Variants in DNAH11 observed in about 807,000 individuals in gnomAD.
DNAH11 encodes the protein axonemal beta dynein heavy chain 11.
In DNAH11, 442 loss-of-function variants were observed where a neutral mutation model predicts 526.0. That is an observed-to-expected ratio of 0.84 (90% CI 0.78 to 0.91). DNAH11 has a LOEUF of 0.91. Ranked by LOEUF, DNAH11 falls within the 40% of genes least tolerant of loss-of-function variation. The pLI is 0.00. For synonymous variants in DNAH11, 2,461 were observed against 1,935.9 expected (o/e 1.27, Z -7.12); for missense variants, 6,989 against 5,448.7 (o/e 1.28, Z -8.90).
At chr7:21,706,154 G>A (rs1174789578) in intron 39 of DNAH11, among the ~76,000 whole-genome samples, 2 of 152,016 alleles carry the variant, frequency 1.3e-5, no homozygotes, top group Non-Finnish European at 2.9e-5. Flanking sequence ...GCTGTGCTAG[G>A]TGCATTATGT....
chr7:21,681,038 C>T (rs533800429), intron 30 of DNAH11, among the ~76,000 whole-genome samples: 5 of 152,132 alleles, frequency 3.3e-5, no homozygotes, highest in Non-Finnish European at 7.3e-5. Flanking sequence ...TGTCATTACT[C>T]ACAGGTTCTC....
intron 34 of DNAH11, among the ~76,000 whole-genome samples, chr7:21,687,769 G>A (rs1208791017): frequency 6.6e-6 from 1 of 152,142 alleles, no homozygotes; most frequent in African/African-American, 2.4e-5. Context: ...CAACTTCTAG[G>A]ATTGGCCAGA....
At chr7:21,804,607 C>T (rs957527935) in intron 62 of DNAH11, among the ~76,000 whole-genome samples, 3 of 152,110 alleles carry the variant, frequency 2.0e-5, no homozygotes, top group East Asian at 1.9e-4. Context: ...TTTTGAATCA[C>T]CCTTGACTCT....
At chr7:21,544,486 A>G (rs775922365) in intron 1 of DNAH11, among the ~76,000 whole-genome samples, 14 of 152,344 alleles carry the variant, frequency 9.2e-5, no homozygotes, top group Non-Finnish European at 1.9e-4. Context: ...ACACAACTCT[A>G]GTATTACCTA....
intron 61 of DNAH11, among the ~76,000 whole-genome samples, chr7:21,792,767 G>C (rs1788530623): frequency 6.6e-6 from 1 of 151,588 alleles, no homozygotes; most frequent in Non-Finnish European, 1.5e-5. Flanking sequence ...TTTTTTATTT[G>C]GGTCTTCTCT....
At position 21,681,527 on chromosome 7, in the gene DNAH11, A is replaced by G. The variant is rs748084989; in HGVS notation, c.5329-19A>G. 3.1e-6 allele frequency: 5 copies of G among 1,609,694 alleles called. No individual in the cohort carries two copies. The highest frequency in any genetic ancestry group is 2.2e-5 in the South Asian group (2 of 90,452). On this transcript the variant is annotated intron_variant, in intron 30 of 81. Transcript: ENST00000409508. The stretch of plus-strand genomic sequence containing the variant: ...TATTTGTAACCCTTCTCTCCTTTTT[A>G]AAAAATGATTCCTTCTAGATTTCTC...
rs146009264 is a variant in DNAH11 at position 21,815,660 on chromosome 7, C to A, written c.10333-807C>A. 4.3e-4 allele frequency among the ~76,000 whole-genome samples: 65 copies of A among 152,268 alleles called. No homozygotes were observed. The East Asian group carries it at 0.012, about 28-fold the overall frequency. ...GGGGGCTAGCTAGGTTTTCATCCTG[C>A]ACATTTTGGTGTCTCTAGACAGTGT... On this transcript the variant is annotated intron_variant, in intron 63 of 81. Coordinates refer to ENST00000409508, the MANE Select transcript of DNAH11 (RefSeq NM_001277115.2).
intron 14 of DNAH11, among the ~76,000 whole-genome samples, chr7:21,592,891 AAGG>A (rs1205873889): frequency 6.6e-6 from 1 of 152,208 alleles, no homozygotes; most frequent in Non-Finnish European, 1.5e-5. Context: ...CAGAAAAAAA[AAGG>A]AGGTTTGGTT....
intron 61 of DNAH11, among the ~76,000 whole-genome samples, chr7:21,797,905 A>G (rs1170630661): frequency 6.6e-6 from 1 of 152,244 alleles, no homozygotes; most frequent in Admixed American, 6.5e-5. Context: ...CTAACTTACC[A>G]TGTGCTTGCT....
At chr7:21,847,566 T>G (rs1178220408) in intron 66 of DNAH11, among the ~76,000 whole-genome samples, 1 of 152,222 alleles carries the variant, frequency 6.6e-6, no homozygotes, top group Non-Finnish European at 1.5e-5. Context: ...TTCTATTCTT[T>G]TAAACCTTTT....
rs79827845 is a variant in DNAH11 at position 21,893,624 on chromosome 7, A to G, written c.12750+957A>G. On this transcript the variant is annotated intron_variant, in intron 77 of 81. Transcript: ENST00000409508. ...TTCCTCCATCTTTTCTCCTTTCTAG[A>G]TATTGACTGGTTTTTCCAGCTCGGT... Among the ~76,000 whole-genome samples the G allele has an allele frequency of 5.8e-3, 880 of 152,358 alleles. 10 individuals carry two copies. The highest frequency in any genetic ancestry group is 0.02 in the African/African-American group (839 of 41,584).
At chr7:21,852,781 G>A (rs1373269646) in intron 67 of DNAH11, 150 bp downstream of exon 67, 1 of 753,998 alleles carries the variant, frequency 1.3e-6, no homozygotes, top group Non-Finnish European at 1.9e-6. Context: ...GGACTGTGTG[G>A]GATTGTAAAT....
intron 55 of DNAH11, 67 bp downstream of exon 55, chr7:21,765,656 A>ACACACACACG (rs1188836358): frequency 4.9e-6 from 6 of 1,230,116 alleles, no homozygotes; most frequent in Non-Finnish European, 6.5e-6. Context: ...ACACACACAC[A>ACACACACACG]CACTCTGAAA....
chr7:21,701,045 C>T (rs761670006), intron 36 of DNAH11, among the ~76,000 whole-genome samples: 3 of 152,026 alleles, frequency 2.0e-5, no homozygotes, highest in South Asian at 2.1e-4. Context: ...CACCATGGTA[C>T]GTGTATACCT....
At chr7:21,672,897 A>T (rs1782702994) in intron 30 of DNAH11, among the ~76,000 whole-genome samples, 1 of 152,160 alleles carries the variant, frequency 6.6e-6, no homozygotes, top group Non-Finnish European at 1.5e-5. Flanking sequence ...GTTACTTTCT[A>T]GGTCTGACAT....
intron 37 of DNAH11, among the ~76,000 whole-genome samples, chr7:21,703,153 C>T (rs762368495): frequency 6.6e-5 from 10 of 152,018 alleles, no homozygotes; most frequent in East Asian, 1.9e-4. Context: ...GGAAAGTCAG[C>T]GAAGACATAA....
intron 7 of DNAH11, chr7:21,570,812 C>A (rs1783856312): frequency 6.6e-6 from 1 of 151,066 alleles, no homozygotes; most frequent in Non-Finnish European, 1.5e-5. Context: ...TTTTCAAATA[C>A]CTTAAAACCA....
rs975201870 is a variant in DNAH11 at position 21,720,128 on chromosome 7, G to A, written c.7135-597G>A. On this transcript the variant is annotated intron_variant, in intron 43 of 81. Transcript: ENST00000409508. ...TTTCTTTCAAGGTTAAATTTAGTTCGGTGTCCAAAAAACTGCCACAGGCTT... is the reference window on the plus strand; with the variant it reads ...TTTCTTTCAAGGTTAAATTTAGTTCAGTGTCCAAAAAACTGCCACAGGCTT... 9.8e-4 allele frequency among the ~76,000 whole-genome samples: 149 copies of A among 152,258 alleles called. 3 individuals carry two copies. Among genetic ancestry groups the A allele is most frequent in the South Asian group, 2.1e-4 (1 of 4,824 alleles).
chr7:21,711,633 G>A, intron 41 of DNAH11, 79 bp from the exon 42 acceptor site: 1 of 1,539,640 alleles, frequency 6.5e-7, no homozygotes, highest in South Asian at 1.3e-5. Context: ...GATACTTCTG[G>A]TAGGGGAAAG....
Sources: gnomAD v4.1 joint callset for allele counts (sites outside exome capture counted in the v4.1 genomes callset) on GRCh38, gnomAD v4.1.1 for gene constraint, MANE v1.5 for transcripts, NCBI Gene and HGNC (gene_info 2026-07-23, HGNC 2026-07-21) for gene names.